The following SLC7A2 variants were observed in gnomAD, a reference collection of about 807,000 sequenced individuals.
SLC7A2 encodes solute carrier family 7 member 2, also known as cationic amino acid transporter 2.
A neutral mutation model predicts 58.9 loss-of-function variants in SLC7A2; 48 were observed. The ratio of observed to expected loss-of-function variants is 0.82; its 90% CI spans 0.65 to 1.04. The LOEUF is 1.04. Ranked by LOEUF, SLC7A2 falls within the 50% of genes least tolerant of loss-of-function variation. SLC7A2 has a pLI of 0.00. For synonymous variants in SLC7A2, 363 were observed against 314.5 expected (o/e 1.15, Z -1.63); for missense variants, 1,029 against 818.8 (o/e 1.26, Z -3.13).
chr8:17,537,204 G>A (rs886877329), intron 2 of SLC7A2, among the ~76,000 whole-genome samples: 8 of 152,084 alleles, frequency 5.3e-5, no homozygotes, highest in East Asian at 3.9e-4. Flanking sequence ...TTACAGGCAC[G>A]TAACACCATG....
intron 4 of SLC7A2, among the ~76,000 whole-genome samples, chr8:17,545,450 G>A (rs185433537): frequency 1.9e-4 from 23 of 120,498 alleles, no homozygotes; most frequent in African/African-American, 6.6e-4. Flanking sequence ...TGACTCTGTC[G>A]CCCAGGCTGG....
intron 2 of SLC7A2, chr8:17,538,637 A>G (rs948004315): frequency 1.9e-5 from 11 of 576,924 alleles, no homozygotes; most frequent in Admixed American, 3.7e-5. Context: ...CCACGTTATA[A>G]TTTGAAAATT....
At position 17,535,776 on chromosome 8, in the gene SLC7A2, G is replaced by A. The variant is rs185939886; in HGVS notation, c.-22-7542G>A. Reference sequence around the variant, plus strand: ...AAATTAGCTAAGTGTGGTGGTGGGCGCCTGTAGTCACAGATACTTGGGAAG... The same window carrying A: ...AAATTAGCTAAGTGTGGTGGTGGGCACCTGTAGTCACAGATACTTGGGAAG... On this transcript the variant is annotated intron_variant, in intron 2 of 12. Coordinates refer to ENST00000494857, the MANE Select transcript of SLC7A2 (RefSeq NM_001370338.1). 1.2e-3 allele frequency among the ~76,000 whole-genome samples: 176 copies of A among 152,100 alleles called. 1 individual carries two copies. The highest frequency in any genetic ancestry group is 4.0e-3 in the African/African-American group (166 of 41,486).
At chr8:17,494,615 T>TA (rs545484104), upstream of SLC7A2, among the ~76,000 whole-genome samples, 71 of 152,350 alleles carry the variant, frequency 4.7e-4, no homozygotes, top group African/African-American at 1.6e-3. Context: ...ATTTCATTTC[T>TA]AAAAATTCGA....
chr8:17,538,809 G>T, intron 2 of SLC7A2: 1 of 1,613,520 alleles, frequency 6.2e-7, no homozygotes, highest in Non-Finnish European at 8.5e-7. Flanking sequence ...GTCTCACCAC[G>T]AAACTAGCAA....
At chr8:17,535,325 A>T (rs1261651649) in intron 2 of SLC7A2, among the ~76,000 whole-genome samples, 2 of 152,118 alleles carry the variant, frequency 1.3e-5, no homozygotes, top group Non-Finnish European at 2.9e-5. Flanking sequence ...CTGAGCTTTC[A>T]GATGGCTAAA....
chr8:17,525,796 C>T (rs1232786509), intron 2 of SLC7A2, among the ~76,000 whole-genome samples: 1 of 152,132 alleles, frequency 6.6e-6, no homozygotes, highest in Non-Finnish European at 1.5e-5. Flanking sequence ...TTTGCTGAAA[C>T]CTTCCAGTGA....
rs943550542 is a variant in SLC7A2, at chr8:17,554,646, A to T, written c.1142A>T (p.Asn381Ile). The T allele has an allele frequency of 2.5e-6, 4 of 1,613,468 alleles. No homozygotes were observed. The highest frequency in any genetic ancestry group is 1.7e-5 in the Admixed American group (1 of 59,746). Residue 381 changes from asparagine (N) to isoleucine (I), a missense_variant, in exon 8 of 13, where the codon AAT becomes ATT. Coordinates refer to ENST00000494857, the MANE Select transcript of SLC7A2 (RefSeq NM_001370338.1). Reference sequence around the variant, plus strand: ...CTTTTCAAATGTCTAGCTCAAATCAATTCCAAAACGAAGACACCAATAATT... The same window carrying T: ...CTTTTCAAATGTCTAGCTCAAATCATTTCCAAAACGAAGACACCAATAATT... The part of the protein sequence containing the change: ...GLLFKCLAQI[N>I]SKTKTPIIAT...
intron 3 of SLC7A2, among the ~76,000 whole-genome samples, chr8:17,544,071 T>C (rs752987518): frequency 3.9e-5 from 6 of 152,186 alleles, no homozygotes; most frequent in Non-Finnish European, 8.8e-5. Flanking sequence ...GGTTTCACCA[T>C]GTTGACCAAG....
At chr8:17,543,283 C>G (rs781059509) in intron 2 of SLC7A2, 35 bp from the exon 3 acceptor site, 1 of 1,551,552 alleles carries the variant, frequency 6.4e-7, no homozygotes, top group Non-Finnish European at 8.7e-7. Flanking sequence ...GATGACAATT[C>G]CAGATCAGCT....
At chr8:17,530,167 C>G (rs1297504329) in intron 2 of SLC7A2, among the ~76,000 whole-genome samples, 1 of 152,056 alleles carries the variant, frequency 6.6e-6, no homozygotes, top group Non-Finnish European at 1.5e-5. Flanking sequence ...CTTTAATTTT[C>G]TACGTTCCCC....
In SLC7A2 at chr8:17,567,985, G is replaced by T. The variant is rs1324863498; in HGVS notation, c.*2839G>T. The T allele has an allele frequency of 5.4e-5, 8 of 148,572 alleles. No individual in the cohort carries two copies. Among genetic ancestry groups the T allele is most frequent in the African/African-American group, 2.0e-4 (8 of 40,150 alleles). The allele number at this position is 148,572 out of a possible 1,614,324, so 9.2% of individuals were successfully genotyped here. ...ATCACCAGCTCTTTGGCACCTTTCTGTTTCTGCTTGTGAATTCATAATGTT... is the reference window on the plus strand; with the variant it reads ...ATCACCAGCTCTTTGGCACCTTTCTTTTTCTGCTTGTGAATTCATAATGTT... On this transcript the variant is annotated 3_prime_UTR_variant, in exon 13 of 13. Coordinates refer to ENST00000494857, the MANE Select transcript of SLC7A2 (RefSeq NM_001370338.1).
chr8:17,528,444 G>A (rs774948972), intron 2 of SLC7A2, among the ~76,000 whole-genome samples: 5 of 152,024 alleles, frequency 3.3e-5, no homozygotes, highest in Non-Finnish European at 5.9e-5. Flanking sequence ...GAGTGCAGTG[G>A]CATGATTATG....
rs1046177905 is a variant in SLC7A2, at chr8:17,569,501, A to G, written c.*4355A>G. 6.6e-6 allele frequency: 1 copy of G among 152,220 alleles called. No individual in the cohort carries two copies. Among genetic ancestry groups the G allele is most frequent in the Non-Finnish European group, 1.5e-5 (1 of 68,036 alleles). 9.4% of individuals were successfully genotyped at this position (152,220 alleles called of 1,614,324 possible). Reference sequence around the variant, plus strand: ...ATTTTCATTTTTTAGTCATATAGATATGAAAATAAGTTCATATAGATATGA... The same window carrying G: ...ATTTTCATTTTTTAGTCATATAGATGTGAAAATAAGTTCATATAGATATGA... On this transcript the variant is annotated 3_prime_UTR_variant, in exon 13 of 13. Transcript: ENST00000494857.
chr8:17,562,180 ATTTTTTTTTTTTTTTTTTTTTTTT>A lies in SLC7A2; in HGVS notation c.1671+82_1671+105del, dbSNP rs200130071. On this transcript the variant is annotated intron_variant, in intron 11 of 12. Coordinates refer to ENST00000494857, the MANE Select transcript of SLC7A2 (RefSeq NM_001370338.1). ...TCTCTGTATAATTAGTTTGGTAAGT[ATTTTTTTTTTTTTTTTTTTTTTTT>A]TTTTTTTTTTTGGAGATGGAATCTC... is the stretch of plus-strand genomic sequence containing the variant. The A allele has an allele frequency of 9.4e-3, 5,607 of 594,504 alleles. 118 individuals are homozygous for A. The highest frequency in any genetic ancestry group is 0.03 in the African/African-American group (827 of 27,196). 36.8% of individuals were successfully genotyped at this position (594,504 alleles called of 1,614,324 possible). A position where few individuals can be genotyped will look rare whatever the true frequency, so the allele number is the denominator to read the frequency against.
chr8:17,519,931 T>C (rs1020355580), intron 2 of SLC7A2, among the ~76,000 whole-genome samples: 5 of 152,204 alleles, frequency 3.3e-5, no homozygotes, highest in Admixed American at 1.3e-4. Context: ...TTCATTTTTG[T>C]TGTCTACCAG....
chr8:17,512,317 A>AG (rs11333643), intron 2 of SLC7A2, among the ~76,000 whole-genome samples: 7,328 of 152,156 alleles, frequency 0.048, 198 homozygotes, highest in Middle Eastern at 0.071. Flanking sequence ...GAGGCCAAGG[A>AG]GGGTGGATCA....
At chr8:17,550,258 T>A in intron 5 of SLC7A2, 43 bp from the exon 6 acceptor site, 1 of 1,597,284 alleles carries the variant, frequency 6.3e-7, no homozygotes, top group South Asian at 1.1e-5. Flanking sequence ...AAGGAGAGTT[T>A]TCTGTCAAAG....
chr8:17,560,906 C>G (rs1344471437), intron 10 of SLC7A2, among the ~76,000 whole-genome samples: 2 of 152,156 alleles, frequency 1.3e-5, no homozygotes, highest in Admixed American at 6.5e-5. Context: ...TGTTTGTTTA[C>G]CCACAGTTAC....
Sources: allele counts gnomAD v4.1 joint callset (sites outside exome capture counted in the v4.1 genomes callset), GRCh38; gene constraint gnomAD v4.1.1; transcripts MANE v1.5; gene names NCBI Gene and HGNC (gene_info 2026-07-23, HGNC 2026-07-21).